GABRB1: variants seen among roughly 807,000 people sequenced by gnomAD.
The protein encoded by GABRB1 is gamma-aminobutyric acid receptor subunit beta-1.
GABRB1 carries 17 observed loss-of-function variants against 51.6 expected under a neutral mutation model. The ratio of observed to expected loss-of-function variants is 0.33; its 90% CI spans 0.23 to 0.49. The LOEUF (loss-of-function observed/expected upper bound fraction) is 0.49. Ranked by LOEUF, GABRB1 falls within the 20% of genes least tolerant of loss-of-function variation. The pLI is 0.99. For missense variants in GABRB1, 410 were observed against 600.6 expected (o/e 0.68, Z 3.32); for synonymous variants, 247 against 218.9 (o/e 1.13, Z -1.14).
intron 4 of GABRB1, among the ~76,000 whole-genome samples, chr4:47,295,128 C>G (rs915310637): frequency 8.5e-5 from 13 of 152,168 alleles, no homozygotes; most frequent in African/African-American, 2.6e-4. Flanking sequence ...CGTCAAAGAC[C>G]AAAAGTAGAT....
intron 5 of GABRB1, 38 bp downstream of exon 5, chr4:47,320,247 C>T (rs377295350): frequency 7.8e-7 from 1 of 1,277,418 alleles, no homozygotes; most frequent in Non-Finnish European, 1.1e-6. Context: ...AAGAGGGATT[C>T]TTCCTTGACC....
chr4:47,409,963 A>G (rs1728706463), intron 8 of GABRB1, among the ~76,000 whole-genome samples: 1 of 152,244 alleles, frequency 6.6e-6, no homozygotes, highest in Non-Finnish European at 1.5e-5. Context: ...TGGCTAATAA[A>G]TAAGTAAAAT....
intron 3 of GABRB1, among the ~76,000 whole-genome samples, chr4:47,143,474 C>T (rs1333613505): frequency 2.0e-5 from 3 of 151,856 alleles, no homozygotes; most frequent in Non-Finnish European, 4.4e-5. Context: ...CACACAAACA[C>T]TGCTAGAGAA....
intron 8 of GABRB1, 47 bp from the exon 9 acceptor site, chr4:47,425,627 G>A (rs754310655): frequency 1.4e-6 from 2 of 1,437,618 alleles, no homozygotes; most frequent in Admixed American, 4.1e-5. Context: ...ATGAAAACAG[G>A]CAAAGGTCCT....
chr4:47,103,714 T>TAA (rs1262853056), intron 3 of GABRB1, among the ~76,000 whole-genome samples: 1 of 151,962 alleles, frequency 6.6e-6, no homozygotes, highest in Non-Finnish European at 1.5e-5. Flanking sequence ...TTTTAAAATA[T>TAA]AATTTTGGGG....
chr4:47,018,898 A>T (rs924064941), intron 1 of GABRB1, among the ~76,000 whole-genome samples: 1 of 152,178 alleles, frequency 6.6e-6, no homozygotes, highest in African/African-American at 2.4e-5. Context: ...CATGCAATAC[A>T]CACCCATGTT....
chr4:47,307,062 C>T (rs1195798441), intron 4 of GABRB1, among the ~76,000 whole-genome samples: 1 of 152,064 alleles, frequency 6.6e-6, no homozygotes, highest in African/African-American at 2.4e-5. Flanking sequence ...TTTATTTTCT[C>T]ACCAGAAGTA....
intron 5 of GABRB1, among the ~76,000 whole-genome samples, chr4:47,398,583 G>A (rs1220694766): frequency 6.6e-6 from 1 of 152,140 alleles, no homozygotes; most frequent in Non-Finnish European, 1.5e-5. Context: ...GAGAGACAGA[G>A]AGAGAGACAG....
intron 5 of GABRB1, among the ~76,000 whole-genome samples, chr4:47,327,669 A>G (rs951731624): frequency 3.3e-5 from 5 of 152,212 alleles, no homozygotes; most frequent in Non-Finnish European, 7.3e-5. Context: ...TAATTTAATG[A>G]ACTATCCACT....
rs191682515 is a variant in GABRB1 at position 47,264,900 on chromosome 4, G to A, written c.462-55227G>A. 1.5e-3 allele frequency among the ~76,000 whole-genome samples: 228 copies of A among 152,220 alleles called. 1 individual carries two copies. The highest frequency in any genetic ancestry group is 5.3e-3 in the African/African-American group (221 of 41,512). ...CATTTTCTAGAATTTTATATACAGG[G>A]AATCATGCACTATGTGCTTTCTGTG... On this transcript the variant is annotated intron_variant, in intron 4 of 8. Coordinates refer to ENST00000295454, the MANE Select transcript of GABRB1 (RefSeq NM_000812.4).
intron 3 of GABRB1, among the ~76,000 whole-genome samples, chr4:47,053,531 C>G (rs981520303): frequency 6.6e-6 from 1 of 152,166 alleles, no homozygotes; most frequent in Non-Finnish European, 1.5e-5. Flanking sequence ...CCTTCTAATG[C>G]CATCACATTG....
At chr4:47,192,034 A>G (rs114177927) in intron 4 of GABRB1, among the ~76,000 whole-genome samples, 49 of 152,240 alleles carry the variant, frequency 3.2e-4, no homozygotes, top group African/African-American at 1.2e-3. Context: ...ACAATTACCA[A>G]GCTATAATTC....
chr4:47,186,224 CG>C (rs1156772691), intron 4 of GABRB1, among the ~76,000 whole-genome samples: 2 of 97,232 alleles, frequency 2.1e-5, no homozygotes, highest in Non-Finnish European at 4.1e-5. Flanking sequence ...GGTGGGGGGG[CG>C]GGGGGTAAGT....
At chr4:47,125,555 A>ATTTTTTTTTTTTTTTTTTTT (rs570181191) in intron 3 of GABRB1, among the ~76,000 whole-genome samples, 1 of 21,018 alleles carries the variant, frequency 4.8e-5, no homozygotes, top group African/African-American at 1.3e-4. Flanking sequence ...ACAAAGTATA[A>ATTTTTTTTTTTTTTTTTTTT]TTTCTTTTTT....
chr4:47,351,192 T>G (rs1336519497), intron 5 of GABRB1, among the ~76,000 whole-genome samples: 1 of 152,166 alleles, frequency 6.6e-6, no homozygotes, highest in East Asian at 1.9e-4. Flanking sequence ...GTCTCTGCCA[T>G]GGCACCATAT....
chr4:47,419,088 GA>G (rs1729020213), intron 8 of GABRB1, among the ~76,000 whole-genome samples: 1 of 152,076 alleles, frequency 6.6e-6, no homozygotes, highest in African/African-American at 2.4e-5. Flanking sequence ...TAGAAGGAGG[GA>G]TGGTATTGAC....
chr4:47,390,817 C>T (rs560483606), intron 5 of GABRB1, among the ~76,000 whole-genome samples: 5 of 152,238 alleles, frequency 3.3e-5, no homozygotes, highest in East Asian at 3.9e-4. Flanking sequence ...TATTTCAAAG[C>T]CAGTATTCTT....
At chr4:47,063,456 C>T (rs1362950886) in intron 3 of GABRB1, among the ~76,000 whole-genome samples, 2 of 152,134 alleles carry the variant, frequency 1.3e-5, no homozygotes, top group East Asian at 1.9e-4. Context: ...TGGATTCCTA[C>T]ACTGGGAAGC....
At position 47,090,272 on chromosome 4, in the gene GABRB1, G is replaced by A. The variant is rs183089726; in HGVS notation, c.240+57788G>A. 4.2e-4 allele frequency among the ~76,000 whole-genome samples: 64 copies of A among 152,278 alleles called. 1 individual carries two copies. The highest frequency in any genetic ancestry group is 1.3e-3 in the African/African-American group (55 of 41,564). On this transcript the variant is annotated intron_variant, in intron 3 of 8. Transcript: ENST00000295454. ...AAATGTCTAATGCAATCAATTGTAA[G>A]CAGCTTTTCTTACAATAGGATTCTA...
Sources: gnomAD v4.1 joint callset for allele counts (sites outside exome capture counted in the v4.1 genomes callset) on GRCh38, gnomAD v4.1.1 for gene constraint, MANE v1.5 for transcripts, NCBI Gene and HGNC (gene_info 2026-07-23, HGNC 2026-07-21) for gene names.